Variants in FBXO31 observed in about 807,000 individuals in gnomAD.
The protein encoded by FBXO31 is F-box protein 31, also known as F-box only protein 31.
Under a neutral mutation model 54.4 loss-of-function variants are expected in FBXO31, and 24 were observed. That is an observed-to-expected ratio of 0.44 (90% CI 0.32 to 0.62). The LOEUF (loss-of-function observed/expected upper bound fraction) is 0.62, where lower values mean the gene tolerates loss of function less well. Among genes scored for constraint, FBXO31 ranks in the 20% least tolerant of loss-of-function variants. The pLI is 0.05. For missense variants in FBXO31, 665 were observed against 787.1 expected, an observed-to-expected ratio of 0.84 and a Z score of 1.86; for synonymous variants, 388 against 335.6, an observed-to-expected ratio of 1.16 and a Z score of -1.71.
intron 2 of FBXO31, among the ~76,000 whole-genome samples, chr16:87,357,283 G>A (rs1184749180): frequency 6.7e-6 from 1 of 149,710 alleles, no homozygotes; most frequent in African/African-American, 2.5e-5. Flanking sequence ...TCCTATAACT[G>A]TGGCTTAGAA....
intron 2 of FBXO31, among the ~76,000 whole-genome samples, chr16:87,353,553 G>A (rs1370366234): frequency 1.3e-5 from 2 of 152,242 alleles, no homozygotes; most frequent in East Asian, 1.9e-4. Flanking sequence ...GCCACGTGGG[G>A]ACAGAGGCAG....
chr16:87,361,462 C>T (rs1467588564), intron 1 of FBXO31, among the ~76,000 whole-genome samples: 4 of 152,152 alleles, frequency 2.6e-5, no homozygotes, highest in Non-Finnish European at 4.4e-5. Context: ...CTGTGTTATG[C>T]CCTGTGCAGG....
In FBXO31 at chr16:87,328,908, A is replaced by T. The variant is rs985563209; in HGVS notation, c.*2380T>A. ...TTGGAAACGGTTTTATCCAACTCTC[A>T]GCTGCCCTTAGGCCTCTGATGACGA... On this transcript the variant is annotated 3_prime_UTR_variant, in exon 9 of 9. Coordinates refer to ENST00000311635, the MANE Select transcript of FBXO31 (RefSeq NM_024735.5). The T allele has an allele frequency of 6.6e-6, 1 of 152,190 alleles. No individual in the cohort carries two copies. The highest frequency in any genetic ancestry group is 1.5e-5 in the Non-Finnish European group (1 of 68,046). 9.4% of individuals were successfully genotyped at this position (152,190 alleles called of 1,614,324 possible). A position where few individuals can be genotyped will look rare whatever the true frequency, so the allele number is the denominator to read the frequency against.
chr16:87,355,808 C>T (rs1905866631), intron 2 of FBXO31, among the ~76,000 whole-genome samples: 1 of 152,176 alleles, frequency 6.6e-6, no homozygotes. Flanking sequence ...CTCCACCTGC[C>T]TCGGGGACAA....
At position 87,328,534 on chromosome 16, in the gene FBXO31, A is replaced by T. The variant is rs1904729443; in HGVS notation, c.*2754T>A. On this transcript the variant is annotated 3_prime_UTR_variant, in exon 9 of 9. Transcript: ENST00000311635. The stretch of plus-strand genomic sequence containing the variant: ...GGTCACGGCCCAGGTGGGCTGAGGG[A>T]CCCCAATACCACCTGCCTTGAATCT... 1 of 152,220 alleles carries T rather than the reference A, an allele frequency of 6.6e-6. No individual in the cohort carries two copies. Among genetic ancestry groups the T allele is most frequent in the Non-Finnish European group, 1.5e-5 (1 of 68,044 alleles). The allele number at this position is 152,220 out of a possible 1,614,324, so 9.4% of individuals were successfully genotyped here.
chr16:87,362,742 G>A (rs1284656023), intron 1 of FBXO31: 1 of 152,246 alleles, frequency 6.6e-6, no homozygotes, highest in Non-Finnish European at 1.5e-5. Flanking sequence ...TGTATTTTTA[G>A]TAGAGATGGG....
At chr16:87,351,801 G>A (rs13330348) in intron 2 of FBXO31, among the ~76,000 whole-genome samples, 14,192 of 152,130 alleles carry the variant, frequency 0.093, 862 homozygotes, top group East Asian at 0.26. Flanking sequence ...CCCAGGAGGC[G>A]GAGGTTGAAG....
chr16:87,346,744 G>A lies in FBXO31; in HGVS notation c.489+430C>T, dbSNP rs1299120347. Among the ~76,000 whole-genome samples the A allele has an allele frequency of 3.3e-5, 5 of 152,228 alleles. No individual in the cohort carries two copies. The highest frequency in any genetic ancestry group is 7.3e-5 in the Non-Finnish European group (5 of 68,046). On this transcript the variant is annotated intron_variant, in intron 3 of 8. Transcript: ENST00000311635. The surrounding 1 kb of genome is among the most constrained non-coding windows in gnomAD (Gnocchi z 4.2). ...GCTCCAGTAGGAGGGCACAGGGGGC[G>A]GGAGGCAGGGTGGTCAGAGCGGGTC...
rs1906299922 is a variant in FBXO31, at chr16:87,365,022, T to TATATATATATATATAA, written c.341-4657_341-4656insTTATATATATATATAT. Among the ~76,000 whole-genome samples the TATATATATATATATAA allele has an allele frequency of 2.0e-5, 2 of 100,250 alleles. 1 individual carries two copies. The highest frequency in any genetic ancestry group is 8.5e-3 in the Middle Eastern group (2 of 236). 65.8% of individuals were successfully genotyped at this position (100,250 alleles called of 152,430 possible). On this transcript the variant is annotated intron_variant, in intron 1 of 8. Transcript: ENST00000311635. ...ACCCCGTCTCTTAAATATATATATA[T>TATATATATATATATAA]ATATATATATATATATATCAGGCAG...
At chr16:87,354,190 T>C (rs1289441160) in intron 2 of FBXO31, among the ~76,000 whole-genome samples, 3 of 152,226 alleles carry the variant, frequency 2.0e-5, no homozygotes, top group Admixed American at 1.3e-4. Context: ...TACAGAACAT[T>C]GTCCAGGCGC....
chr16:87,363,963 C>A (rs531643883), intron 1 of FBXO31, among the ~76,000 whole-genome samples: 1 of 152,178 alleles, frequency 6.6e-6, no homozygotes, highest in African/African-American at 2.4e-5. Flanking sequence ...CAAATGTTTA[C>A]AAATGGGAGG....
Position 87,336,721 on chromosome 16 carries a change from G to A in FBXO31, c.733-457C>T, listed in dbSNP as rs907501222. Among the ~76,000 whole-genome samples, 5 of 152,158 alleles carry A rather than the reference G, an allele frequency of 3.3e-5. No homozygotes were observed. The highest frequency in any genetic ancestry group is 5.9e-5 in the Non-Finnish European group (4 of 68,020). Reference sequence around the variant, plus strand: ...CCTCACCACCAACCCTGAGCCGTGCGAGTCAGCCAAGGACGATGCACTGAG... The same window carrying A: ...CCTCACCACCAACCCTGAGCCGTGCAAGTCAGCCAAGGACGATGCACTGAG... On this transcript the variant is annotated intron_variant, in intron 5 of 8. Transcript: ENST00000311635. This position sits in a 1 kb window ranked among gnomAD's most constrained non-coding sequence, Gnocchi z 6.5.
At chr16:87,351,934 GCT>G (rs1427759389) in intron 2 of FBXO31, among the ~76,000 whole-genome samples, 1 of 152,054 alleles carries the variant, frequency 6.6e-6, no homozygotes, top group African/African-American at 2.4e-5. Context: ...TTGTACAGTG[GCT>G]CTCCACCCTG....
chr16:87,354,297 C>A (rs780442406), intron 2 of FBXO31, among the ~76,000 whole-genome samples: 23 of 151,850 alleles, frequency 1.5e-4, no homozygotes, highest in Non-Finnish European at 1.3e-4. Context: ...ACATAGGGAG[C>A]CCTTGTCTCT....
chr16:87,339,181 C>T (rs567330558), intron 5 of FBXO31, among the ~76,000 whole-genome samples: 2 of 152,206 alleles, frequency 1.3e-5, no homozygotes, highest in African/African-American at 4.8e-5. Context: ...AAGTTCTCAG[C>T]CAGCAGAGCT....
chr16:87,351,104 C>A (rs1344946220), intron 2 of FBXO31, among the ~76,000 whole-genome samples: 3 of 152,144 alleles, frequency 2.0e-5, no homozygotes, highest in African/African-American at 4.8e-5. Context: ...GCGCACAGAC[C>A]CAGAGGGGAC....
At chr16:87,331,888 A>G (rs570435478) in intron 8 of FBXO31, among the ~76,000 whole-genome samples, 3 of 152,308 alleles carry the variant, frequency 2.0e-5, no homozygotes, top group Non-Finnish European at 4.4e-5. Flanking sequence ...CAAAACACAC[A>G]TTTCATAAAG....
intron 2 of FBXO31, among the ~76,000 whole-genome samples, chr16:87,351,299 C>T (rs1004851798): frequency 6.6e-6 from 1 of 152,158 alleles, no homozygotes; most frequent in African/African-American, 2.4e-5. Context: ...CGAGTGTGAG[C>T]GTGATCTCTA....
At chr16:87,369,030 C>T (rs1043323778) in intron 1 of FBXO31, among the ~76,000 whole-genome samples, 7 of 152,156 alleles carry the variant, frequency 4.6e-5, no homozygotes, top group African/African-American at 1.7e-4. Context: ...CTCAAGTGAT[C>T]TGCCTGCCTC....
Sources: allele counts gnomAD v4.1 joint callset (sites outside exome capture counted in the v4.1 genomes callset), GRCh38; gene constraint gnomAD v4.1.1; non-coding constraint Gnocchi (gnomAD v3.1); transcripts MANE v1.5; gene names NCBI Gene and HGNC (gene_info 2026-07-23, HGNC 2026-07-21).